Variants in ZNF507 observed in about 807,000 individuals in gnomAD.
ZNF507 encodes zinc finger protein 507.
In ZNF507, 29 loss-of-function variants were observed where a neutral mutation model predicts 80.0. That is an observed-to-expected ratio of 0.36 (90% CI 0.27 to 0.49). The LOEUF (loss-of-function observed/expected upper bound fraction) is 0.49. ZNF507 is among the 20% of genes least tolerant of loss of function. The pLI is 0.98. For missense variants in ZNF507, 1,081 were observed against 1,152.2 expected (o/e 0.94, Z 0.90); for synonymous variants, 462 against 422.5 (o/e 1.09, Z -1.15).
intron 2 of ZNF507, among the ~76,000 whole-genome samples, chr19:32,347,593 A>G (rs1312699856): frequency 6.6e-6 from 1 of 152,046 alleles, no homozygotes; most frequent in Admixed American, 6.6e-5. Flanking sequence ...TTCTTAAACC[A>G]GTTACCACTT....
intron 5 of ZNF507, among the ~76,000 whole-genome samples, chr19:32,375,522 A>G (rs1967535047): frequency 6.6e-6 from 1 of 152,244 alleles, no homozygotes; most frequent in African/African-American, 2.4e-5. Context: ...GGTGACGGGA[A>G]AGAAAGAAGA....
chr19:32,379,957 A>G (rs950395663), intron 5 of ZNF507, among the ~76,000 whole-genome samples: 2 of 152,166 alleles, frequency 1.3e-5, no homozygotes, highest in African/African-American at 4.8e-5. Flanking sequence ...GTGGGACTAC[A>G]GGTGTGTGCC....
At chr19:32,365,377 G>T (rs1377102355) in intron 5 of ZNF507, among the ~76,000 whole-genome samples, 1 of 152,104 alleles carries the variant, frequency 6.6e-6, no homozygotes, top group African/African-American at 2.4e-5. Flanking sequence ...TATTGCAATT[G>T]CTTTTGGGGT....
At chr19:32,380,259 G>A (rs555248373) in intron 5 of ZNF507, among the ~76,000 whole-genome samples, 3 of 152,210 alleles carry the variant, frequency 2.0e-5, no homozygotes, top group Non-Finnish European at 2.9e-5. Flanking sequence ...GGGAGTATGA[G>A]GTAGGAGGAT....
rs747608161 is a variant in ZNF507 at position 32,354,075 on chromosome 19, C to T, written c.1245C>T (p.Leu415=). 9 of 1,613,912 alleles carry T rather than the reference C, an allele frequency of 5.6e-6. No individual in the cohort carries two copies. The highest frequency in any genetic ancestry group is 2.5e-6 in the Non-Finnish European group (3 of 1,180,036). ...AAACCCTTTCACAGAAGCGCTTCCT[C>T]ATGAACACTGAAATGGAAGAAGGGA... ...AEETLSQKRF[L]MNTEMEEGKD... Residue 415 remains leucine (L), a synonymous_variant, in exon 3 of 7, where the codon CTC becomes CTT. Transcript: ENST00000355898.
At chr19:32,360,690 A>C (rs963129702) in intron 5 of ZNF507, 72 bp downstream of exon 5, 1 of 798,532 alleles carries the variant, frequency 1.3e-6, no homozygotes, top group Non-Finnish European at 1.8e-6. Flanking sequence ...AAATGAAATA[A>C]AAATGTATAG....
chr19:32,356,495 T>G (rs201321009), intron 3 of ZNF507, 121 bp from the exon 4 acceptor site: 2 of 657,636 alleles, frequency 3.0e-6, no homozygotes, highest in Non-Finnish European at 5.3e-6. Context: ...GCAGACTTGA[T>G]TTTAAAATAT....
At chr19:32,382,293 A>T (rs1044468985) in intron 5 of ZNF507, 174 bp from the exon 6 acceptor site, 5 of 698,032 alleles carry the variant, frequency 7.2e-6, no homozygotes, top group Middle Eastern at 5.6e-4. Context: ...CCATTCTAGG[A>T]CCTCTCTGAA....
chr19:32,347,546 A>T (rs549628677), intron 2 of ZNF507, among the ~76,000 whole-genome samples: 1 of 152,304 alleles, frequency 6.6e-6, no homozygotes, highest in African/African-American at 2.4e-5. Context: ...GTATTAGAGA[A>T]AGCATGGTTT....
chr19:32,360,744 T>C lies in ZNF507; in HGVS notation c.2360+126T>C, dbSNP rs1967311740. The C allele has an allele frequency of 1.0e-5, 5 of 478,490 alleles. 1 individual carries two copies. The South Asian group carries it at 2.4e-4, about 23-fold the overall frequency. The allele number at this position is 478,490 out of a possible 1,614,324, so 29.6% of individuals were successfully genotyped here. ...TTAAGAAGTAAGAAATTTTCACTAA[T>C]TGGTTTTATATTTTGTTGTTTTATA... On this transcript the variant is annotated intron_variant, in intron 5 of 6. Transcript: ENST00000355898.
At chr19:32,348,670 A>G (rs1429179569) in intron 2 of ZNF507, among the ~76,000 whole-genome samples, 2 of 152,204 alleles carry the variant, frequency 1.3e-5, no homozygotes, top group African/African-American at 2.4e-5. Flanking sequence ...TTTGGGATAC[A>G]ACTTTTGTTT....
chr19:32,368,247 A>G (rs78496964), intron 5 of ZNF507, among the ~76,000 whole-genome samples: 35 of 152,288 alleles, frequency 2.3e-4, no homozygotes, highest in Non-Finnish European at 4.0e-4. Flanking sequence ...CGCAGTAGAG[A>G]TGGCTTGTCC....
intron 5 of ZNF507, among the ~76,000 whole-genome samples, chr19:32,369,451 G>A (rs1045735997): frequency 1.6e-4 from 24 of 152,174 alleles, no homozygotes; most frequent in South Asian, 4.1e-4. Flanking sequence ...GTCATGATCA[G>A]TGTGCTCTTT....
At chr19:32,365,118 T>A (rs962966452) in intron 5 of ZNF507, among the ~76,000 whole-genome samples, 31 of 152,348 alleles carry the variant, frequency 2.0e-4, no homozygotes, top group African/African-American at 7.5e-4. Flanking sequence ...TTTCATATGT[T>A]TGTTGGCCAT....
rs1483616593 is a variant in ZNF507 at position 32,384,037 on chromosome 19, G to C, written c.*954G>C. 1 of 152,204 alleles carries C rather than the reference G, an allele frequency of 6.6e-6. No homozygotes were observed. The highest frequency in any genetic ancestry group is 2.4e-5 in the African/African-American group (1 of 41,442). 9.4% of individuals were successfully genotyped at this position (152,204 alleles called of 1,614,324 possible). A position where few individuals can be genotyped will look rare whatever the true frequency, so the allele number is the denominator to read the frequency against. The stretch of plus-strand genomic sequence containing the variant: ...AACTATTTCCAAAAATCCCTTAGGG[G>C]ATGAGGGGTGAAATTTAAAAGCTCC... On this transcript the variant is annotated 3_prime_UTR_variant, in exon 7 of 7. Coordinates refer to ENST00000355898, the MANE Select transcript of ZNF507 (RefSeq NM_001136156.2).
Position 32,386,860 on chromosome 19 carries a change from C to T in ZNF507, c.*3777C>T, listed in dbSNP as rs566144795. Reference sequence around the variant, plus strand: ...ATTTTTTGTTAAAAAAAACTTGGCTCCAAGTTCTATTAACCACAGGTTGTG... The same window carrying T: ...ATTTTTTGTTAAAAAAAACTTGGCTTCAAGTTCTATTAACCACAGGTTGTG... On this transcript the variant is annotated 3_prime_UTR_variant, in exon 7 of 7. Coordinates refer to ENST00000355898, the MANE Select transcript of ZNF507 (RefSeq NM_001136156.2). 9 of 152,476 alleles carry T rather than the reference C, an allele frequency of 5.9e-5. No individual in the cohort carries two copies. In the South Asian group the frequency reaches 1.5e-3, roughly 25 times the overall value. 9.4% of individuals were successfully genotyped at this position (152,476 alleles called of 1,614,324 possible).
At position 32,383,042 on chromosome 19, in the gene ZNF507, A is replaced by C. The variant is rs545711219; in HGVS notation, c.2821A>C (p.Ile941Leu). The C allele has an allele frequency of 3.1e-6, 5 of 1,613,978 alleles. No individual in the cohort carries two copies. The highest frequency in any genetic ancestry group is 4.2e-6 in the Non-Finnish European group (5 of 1,179,998). Reference protein sequence around the residue: ...KEHEGEIVNIILNKDHNTALN... With the variant: ...KEHEGEIVNILLNKDHNTALN... The stretch of plus-strand genomic sequence containing the variant: ...GCACGAGGGTGAAATTGTAAACATC[A>C]TCCTGAATAAGGACCACAATACAGC... The change falls in exon 7 of 7, where the codon ATC (isoleucine) becomes CTC (leucine). Residue 941 changes from isoleucine (I) to leucine (L), a missense_variant. This residue lies in a region of ZNF507 where 138 missense variants were observed against 158.4 expected (regional missense o/e 0.87). Coordinates refer to ENST00000355898, the MANE Select transcript of ZNF507 (RefSeq NM_001136156.2).
chr19:32,356,082 G>A (rs1967248074), intron 3 of ZNF507, among the ~76,000 whole-genome samples: 1 of 152,184 alleles, frequency 6.6e-6, no homozygotes, highest in South Asian at 2.1e-4. Flanking sequence ...TTCCAAGTAG[G>A]ATGTCCACAT....
At chr19:32,352,028 G>A (rs1967175633) in intron 2 of ZNF507, among the ~76,000 whole-genome samples, 1 of 150,584 alleles carries the variant, frequency 6.6e-6, no homozygotes, top group South Asian at 2.1e-4. Flanking sequence ...ACACAACTGG[G>A]ATATCAATTT....
Sources: allele counts gnomAD v4.1 joint callset (sites outside exome capture counted in the v4.1 genomes callset), GRCh38; gene constraint gnomAD v4.1.1; regional missense constraint gnomAD v4.1.1; transcripts MANE v1.5; gene names NCBI Gene and HGNC (gene_info 2026-07-23, HGNC 2026-07-21).